DERA: variants seen among roughly 807,000 people sequenced by gnomAD.
DERA encodes 2-deoxy-D-ribose 5-phosphate aldolase.
DERA carries 15 observed loss-of-function variants against 41.1 expected under a neutral mutation model. The observed-to-expected ratio is 0.37, with a 90% CI of 0.24 to 0.56. The LOEUF is 0.56. Ranked by LOEUF, DERA falls within the 20% of genes least tolerant of loss-of-function variation. The pLI, the probability that DERA is intolerant of heterozygous loss-of-function variation, is 0.81. For synonymous variants in DERA, 139 were observed against 137.4 expected (o/e 1.01, Z -0.08); for missense variants, 396 against 403.4 (o/e 0.98, Z 0.16).
intron 1 of DERA, among the ~76,000 whole-genome samples, chr12:15,920,770 G>A (rs1266784721): frequency 6.6e-6 from 1 of 152,208 alleles, no homozygotes; most frequent in Non-Finnish European, 1.5e-5. Context: ...CAGGAGGCGA[G>A]GTTGCAGTGA....
chr12:15,934,883 A>G (rs936440043), intron 1 of DERA, among the ~76,000 whole-genome samples: 1 of 152,182 alleles, frequency 6.6e-6, no homozygotes, highest in African/African-American at 2.4e-5. Context: ...TTCCCCTAAG[A>G]GTTTAAGGAA....
chr12:16,018,258 C>T (rs1446080573), intron 6 of DERA, among the ~76,000 whole-genome samples: 1 of 152,034 alleles, frequency 6.6e-6, no homozygotes, highest in Non-Finnish European at 1.5e-5. Flanking sequence ...ATAATTTGAT[C>T]CGTTAATCTT....
rs932141048 is a variant in DERA, at chr12:15,919,000, G to A, written c.31+7586G>A. Among the ~76,000 whole-genome samples the A allele has an allele frequency of 6.6e-6, 1 of 152,128 alleles. No individual in the cohort carries two copies. The highest frequency in any genetic ancestry group is 1.5e-5 in the Non-Finnish European group (1 of 68,030). On this transcript the variant is annotated intron_variant, in intron 1 of 8. Coordinates refer to ENST00000428559, the MANE Select transcript of DERA (RefSeq NM_015954.4). This position sits in a 1 kb window ranked among gnomAD's most constrained non-coding sequence, Gnocchi z 4.3. ...GAAGAAAGAAAAAAAATCCTTCATA[G>A]CCTATGTGTGAAATACATACACAGA...
At chr12:15,949,394 A>G (rs1186443021) in intron 1 of DERA, among the ~76,000 whole-genome samples, 1 of 152,084 alleles carries the variant, frequency 6.6e-6, no homozygotes, top group Non-Finnish European at 1.5e-5. Context: ...AGGCCTCAGC[A>G]ATGGCAGGCA....
In DERA at chr12:15,924,728, A is replaced by G. The variant is rs1592000085; in HGVS notation, c.31+13314A>G. 2.0e-5 allele frequency among the ~76,000 whole-genome samples: 3 copies of G among 152,192 alleles called. No individual in the cohort carries two copies. The East Asian group carries it at 5.8e-4, about 29-fold the overall frequency. On this transcript the variant is annotated intron_variant, in intron 1 of 8. Transcript: ENST00000428559. This position sits in a 1 kb window ranked among gnomAD's most constrained non-coding sequence, Gnocchi z 5.0. ...TTATTGTAATTCCAATCGATCCTAT[A>G]TTGTGAAAATACTTGGCTTTCACCA...
At position 15,962,762 on chromosome 12, in the gene DERA, T is replaced by C. The variant is rs974732586; in HGVS notation, c.374-51T>C. ...TTTCCCCTCCCCCCCTTGCTTACTT[T>C]CTTTCTTCCCTCCTTCCCTCTTTCT... On this transcript the variant is annotated intron_variant, in intron 4 of 8. Transcript: ENST00000428559. 3 of 1,489,026 alleles carry C rather than the reference T, an allele frequency of 2.0e-6. No individual in the cohort carries two copies. In the African/African-American group the frequency reaches 4.2e-5, roughly 21 times the overall value. 92.2% of individuals were successfully genotyped at this position (1,489,026 alleles called of 1,614,324 possible). A position where few individuals can be genotyped will look rare whatever the true frequency, so the allele number is the denominator to read the frequency against.
At position 15,958,232 on chromosome 12, in the gene DERA, A is replaced by G; in HGVS notation, c.174A>G (p.Thr58=). The change falls in exon 3 of 9, where the codon ACA becomes ACG. Residue 58 remains threonine (T), a synonymous_variant. Coordinates refer to ENST00000428559, the MANE Select transcript of DERA (RefSeq NM_015954.4). ...CTGTTACCTTTATAGATCTTACTAC[A>G]CTTTCAGGTGATGATACATCTTCCA... is the stretch of plus-strand genomic sequence containing the variant. ...LKAVTFIDLT[T]LSGDDTSSNI... is the part of the protein sequence containing the mutation. 6.3e-7 allele frequency: 1 copy of G among 1,591,620 alleles called. No individual in the cohort carries two copies. The highest frequency in any genetic ancestry group is 2.3e-5 in the East Asian group (1 of 44,388).
At chr12:15,948,532 A>G (rs1592013050) in intron 1 of DERA, among the ~76,000 whole-genome samples, 1 of 152,172 alleles carries the variant, frequency 6.6e-6, no homozygotes, top group South Asian at 2.1e-4. Flanking sequence ...CTCTCGTGCC[A>G]TGGTTTTCAG....
Position 16,001,216 on chromosome 12 carries a change from A to G in DERA, c.637+18780A>G, listed in dbSNP as rs185100528. ...AAACCACCACGGCACACGTACACCT[A>G]TGTAACAAACCTGCACATTCTGCAC... On this transcript the variant is annotated intron_variant, in intron 6 of 8. Transcript: ENST00000428559. The surrounding 1 kb of genome is among the most constrained non-coding windows in gnomAD (Gnocchi z 4.1). Among the ~76,000 whole-genome samples, 574 of 152,298 alleles carry G rather than the reference A, an allele frequency of 3.8e-3. 7 individuals are homozygous for G. Among genetic ancestry groups the G allele is most frequent in the African/African-American group, 0.013 (551 of 41,568 alleles).
In DERA at chr12:16,035,368, G is replaced by C. The variant is rs1949120327; in HGVS notation, c.751-864G>C. On this transcript the variant is annotated intron_variant, in intron 7 of 8. Transcript: ENST00000428559. This position sits in a 1 kb window ranked among gnomAD's most constrained non-coding sequence, Gnocchi z 4.1. ...TGAGTGATAAAACGTGAGAGATTTA[G>C]TACTCAGGCTCTGAGGTGTTGTTTT... 6.6e-6 allele frequency among the ~76,000 whole-genome samples: 1 copy of C among 152,156 alleles called. No homozygotes were observed. The highest frequency in any genetic ancestry group is 2.4e-5 in the African/African-American group (1 of 41,436).
chr12:15,948,110 A>G (rs1323566666), intron 1 of DERA, among the ~76,000 whole-genome samples: 1 of 152,154 alleles, frequency 6.6e-6, no homozygotes, highest in African/African-American at 2.4e-5. Flanking sequence ...GGGTAACCCA[A>G]CCTTTCTCTC....
In DERA at chr12:15,993,032, A is replaced by G. The variant is rs1461349278; in HGVS notation, c.637+10596A>G. Among the ~76,000 whole-genome samples, 2 of 152,202 alleles carry G rather than the reference A, an allele frequency of 1.3e-5. No homozygotes were observed. The highest frequency in any genetic ancestry group is 2.9e-5 in the Non-Finnish European group (2 of 68,028). On this transcript the variant is annotated intron_variant, in intron 6 of 8. Coordinates refer to ENST00000428559, the MANE Select transcript of DERA (RefSeq NM_015954.4). This position sits in a 1 kb window ranked among gnomAD's most constrained non-coding sequence, Gnocchi z 4.4. ...AAAGCAGACCTTGAAGGAATACAAA[A>G]TGAGTTTTGAACTTGGCTGGAATTT...
chr12:15,958,857 A>G (rs1042757311), intron 3 of DERA, among the ~76,000 whole-genome samples: 6 of 152,232 alleles, frequency 3.9e-5, no homozygotes, highest in Non-Finnish European at 8.8e-5. Flanking sequence ...TAGAGTTGCC[A>G]TAAGTTTAGA....
At chr12:15,923,364 T>C (rs1008917988) in intron 1 of DERA, among the ~76,000 whole-genome samples, 1 of 152,178 alleles carries the variant, frequency 6.6e-6, no homozygotes, top group African/African-American at 2.4e-5. Flanking sequence ...CTGAAAACCC[T>C]TCTGGTTCTG....
rs948806940 is a variant in DERA, at chr12:16,010,112, G to A, written c.638-22430G>A. On this transcript the variant is annotated intron_variant, in intron 6 of 8. Coordinates refer to ENST00000428559, the MANE Select transcript of DERA (RefSeq NM_015954.4). This position sits in a 1 kb window ranked among gnomAD's most constrained non-coding sequence, Gnocchi z 5.5. ...CCATTTAAGAGTTTTAGTAAAGGAA[G>A]CCAAGCCCTTCTGCTGTGAGGGAAA... Among the ~76,000 whole-genome samples the A allele has an allele frequency of 2.0e-5, 3 of 152,162 alleles. No individual in the cohort carries two copies. Among genetic ancestry groups the A allele is most frequent in the Non-Finnish European group, 4.4e-5 (3 of 68,030 alleles).
At chr12:15,944,681 C>G (rs189206954) in intron 1 of DERA, among the ~76,000 whole-genome samples, 1 of 152,240 alleles carries the variant, frequency 6.6e-6, no homozygotes, top group African/African-American at 2.4e-5. Flanking sequence ...CTGTAGGTTG[C>G]CTGTTCACTC....
rs752656657 is a variant in DERA at position 16,036,661 on chromosome 12, T to G, written c.901-29T>G. ...CTGATGTGTATAATTATAGAATGAT[T>G]GTTAATTAAACTCTGCTTTTCCTCA... On this transcript the variant is annotated intron_variant, in intron 8 of 8. Coordinates refer to ENST00000428559, the MANE Select transcript of DERA (RefSeq NM_015954.4). This position sits in a 1 kb window ranked among gnomAD's most constrained non-coding sequence, Gnocchi z 4.9. 3 of 1,515,488 alleles carry G rather than the reference T, an allele frequency of 2.0e-6. No individual in the cohort carries two copies. Among genetic ancestry groups the G allele is most frequent in the East Asian group, 2.3e-5 (1 of 43,998 alleles). 93.9% of individuals were successfully genotyped at this position (1,515,488 alleles called of 1,614,324 possible).
chr12:15,996,555 C>T lies in DERA; in HGVS notation c.637+14119C>T, dbSNP rs1948839348. 6.6e-6 allele frequency among the ~76,000 whole-genome samples: 1 copy of T among 152,094 alleles called. No individual in the cohort carries two copies. The highest frequency in any genetic ancestry group is 2.4e-5 in the African/African-American group (1 of 41,394). The stretch of plus-strand genomic sequence containing the variant: ...CTCTTCTCCTCTTCTTATAAGGAAA[C>T]CAGTAATGTAATGGCCCACCTTACT... On this transcript the variant is annotated intron_variant, in intron 6 of 8. Transcript: ENST00000428559. This position sits in a 1 kb window ranked among gnomAD's most constrained non-coding sequence, Gnocchi z 4.7.
chr12:15,974,417 G>A (rs1450969), intron 5 of DERA, among the ~76,000 whole-genome samples: 94,693 of 151,912 alleles, frequency 0.62, 29,869 homozygotes, highest in East Asian at 0.82. Context: ...CGGGCCTGTT[G>A]TTTTGTAAAA....
Sources: gnomAD v4.1 joint callset for allele counts (sites outside exome capture counted in the v4.1 genomes callset) on GRCh38, gnomAD v4.1.1 for gene constraint, Gnocchi (gnomAD v3.1) non-coding constraint, MANE v1.5 for transcripts, NCBI Gene and HGNC (gene_info 2026-07-23, HGNC 2026-07-21) for gene names.